Variants in DYNC2H1 observed in about 807,000 individuals in gnomAD.
DYNC2H1 encodes dynein cytoplasmic 2 heavy chain 1.
In DYNC2H1, 410 loss-of-function variants were observed where a neutral mutation model predicts 570.0. The ratio of observed to expected loss-of-function variants is 0.72; its 90% confidence interval spans 0.66 to 0.78. The LOEUF is 0.78. DYNC2H1 is among the 30% of genes least tolerant of loss of function. The pLI, the probability that DYNC2H1 is intolerant of heterozygous loss-of-function variation, is 0.00. For missense variants in DYNC2H1, 4,865 were observed against 5,046.4 expected (o/e 0.96, Z 1.09); for synonymous variants, 1,688 against 1,677.6 (o/e 1.01, Z -0.15).
intron 82 of DYNC2H1, among the ~76,000 whole-genome samples, chr11:103,355,804 T>C (rs1048844165): frequency 2.6e-5 from 4 of 152,194 alleles, no homozygotes; most frequent in Admixed American, 1.3e-4. Context: ...TTGGAATTCC[T>C]GGGCTCAAGC....
At position 103,254,628 on chromosome 11, in the gene DYNC2H1, G is replaced by C. The variant is rs1049463461; in HGVS notation, c.10207-787G>C. Among the ~76,000 whole-genome samples, 2 of 152,080 alleles carry C rather than the reference G, an allele frequency of 1.3e-5. No individual in the cohort carries two copies. Among genetic ancestry groups the C allele is most frequent in the Non-Finnish European group, 2.9e-5 (2 of 68,000 alleles). ...GGCTGCACTATTTACTTTCCCACCA[G>C]AAATATAGGAGGGTTCCGCTTTTTT... On this transcript the variant is annotated intron_variant, in intron 66 of 88. Transcript: ENST00000375735. The surrounding 1 kb of genome is among the most constrained non-coding windows in gnomAD (Gnocchi z 4.9).
chr11:103,264,427 G>A lies in DYNC2H1; in HGVS notation c.10695+4450G>A, dbSNP rs184014966. On this transcript the variant is annotated intron_variant, in intron 70 of 88. Coordinates refer to ENST00000375735, the MANE Select transcript of DYNC2H1 (RefSeq NM_001377.3). This position sits in a 1 kb window ranked among gnomAD's most constrained non-coding sequence, Gnocchi z 4.8. ...AAAAAGAAAATTTCAGGCCAATATC[G>A]CTGATGAACATTGATTAGAAAATCC... 1.3e-3 allele frequency among the ~76,000 whole-genome samples: 196 copies of A among 152,120 alleles called. 1 individual carries two copies. The highest frequency in any genetic ancestry group is 4.5e-3 in the African/African-American group (185 of 41,502).
chr11:103,348,022 C>T lies in DYNC2H1; in HGVS notation c.12040-10221C>T, dbSNP rs974595006. Reference sequence around the variant, plus strand: ...GAAAGATTAGACGGGGGAGGGATTGCGAAGTACTAAGAGGTAATTTTCGAG... The same window carrying T: ...GAAAGATTAGACGGGGGAGGGATTGTGAAGTACTAAGAGGTAATTTTCGAG... On this transcript the variant is annotated intron_variant, in intron 82 of 88. Transcript: ENST00000375735. Among the ~76,000 whole-genome samples the T allele has an allele frequency of 5.3e-5, 8 of 152,064 alleles. No individual in the cohort carries two copies. The East Asian group carries it at 5.8e-4, about 11-fold the overall frequency.
Position 103,135,437 on chromosome 11 carries a change from T to A in DYNC2H1, c.2206-58T>A, listed in dbSNP as rs576212442. 2.2e-6 allele frequency: 3 copies of A among 1,374,326 alleles called. No individual in the cohort carries two copies. The African/African-American group carries it at 4.4e-5, about 20-fold the overall frequency. 85.1% of individuals were successfully genotyped at this position (1,374,326 alleles called of 1,614,324 possible). A position where few individuals can be genotyped will look rare whatever the true frequency, so the allele number is the denominator to read the frequency against. On this transcript the variant is annotated intron_variant, in intron 15 of 88. Coordinates refer to ENST00000375735, the MANE Select transcript of DYNC2H1 (RefSeq NM_001377.3). Reference sequence around the variant, plus strand: ...CATTATGTGACATGAAAGTATTAAATGAAAAATCCATTCTACTGCCTAATT... The same window carrying A: ...CATTATGTGACATGAAAGTATTAAAAGAAAAATCCATTCTACTGCCTAATT...
rs1170677485 is a variant in DYNC2H1 at position 103,319,962 on chromosome 11, A to T, written c.11726-1067A>T. On this transcript the variant is annotated intron_variant, in intron 80 of 88. Transcript: ENST00000375735. The surrounding 1 kb of genome is among the most constrained non-coding windows in gnomAD (Gnocchi z 4.3). ...AGGTCCCCTTATCCTGCAGGAGGCAACCTAAATCCCTTATGTTCCAAGGCA... is the reference window on the plus strand; with the variant it reads ...AGGTCCCCTTATCCTGCAGGAGGCATCCTAAATCCCTTATGTTCCAAGGCA... 6.6e-6 allele frequency among the ~76,000 whole-genome samples: 1 copy of T among 152,196 alleles called. No homozygotes were observed. Among genetic ancestry groups the T allele is most frequent in the Non-Finnish European group, 1.5e-5 (1 of 68,034 alleles).
At chr11:103,253,518 T>TGA in intron 66 of DYNC2H1, 70 bp downstream of exon 66, 1 of 1,400,194 alleles carries the variant, frequency 7.1e-7, no homozygotes, top group Middle Eastern at 1.8e-4. Flanking sequence ...ACATTGTGAG[T>TGA]GAGAAGCTAT....
intron 36 of DYNC2H1, among the ~76,000 whole-genome samples, chr11:103,175,666 A>T (rs1284221481): frequency 6.6e-6 from 1 of 152,206 alleles, no homozygotes. Flanking sequence ...AAATTTGAAC[A>T]AGGCTGATCA....
intron 82 of DYNC2H1, among the ~76,000 whole-genome samples, chr11:103,328,282 C>T (rs1156679713): frequency 6.6e-6 from 1 of 151,966 alleles, no homozygotes; most frequent in Non-Finnish European, 1.5e-5. Context: ...TTTTTAATTA[C>T]CATTTTTTAC....
intron 17 of DYNC2H1, among the ~76,000 whole-genome samples, chr11:103,143,027 A>C (rs559963148): frequency 6.6e-6 from 1 of 152,334 alleles, no homozygotes; most frequent in Middle Eastern, 3.4e-3. Flanking sequence ...TGAGAAGAGA[A>C]TCTAAACAGA....
chr11:103,147,359 A>G (rs1398093778), intron 18 of DYNC2H1, among the ~76,000 whole-genome samples: 1 of 152,080 alleles, frequency 6.6e-6, no homozygotes, highest in African/African-American at 2.4e-5. Flanking sequence ...CTTTCTATCT[A>G]CATTTAATTT....
chr11:103,215,838 A>G lies in DYNC2H1; in HGVS notation c.8812A>G (p.Met2938Val), dbSNP rs1863358053. 3.7e-6 allele frequency: 6 copies of G among 1,612,774 alleles called. No individual in the cohort carries two copies. In the African/African-American group the frequency reaches 4.0e-5, roughly 11 times the overall value. The change falls in exon 55 of 89, where the codon ATG becomes GTG. Residue 2938 changes from methionine (M) to valine (V), a missense_variant. Met to Val is a conservative substitution (Grantham distance 21, BLOSUM62 1). Around this residue, in one of 5 missense-constraint regions of DYNC2H1, gnomAD observed 2,401 missense variants for 2,454.6 expected, o/e 0.98. Transcript: ENST00000375735. ...KQDEADAALQ[M>V]ITVSMQDASE... ...AGATGAAGCAGATGCTGCCCTTCAA[A>G]TGATCACAGTGTCAATGCAGGTAAT...
intron 84 of DYNC2H1, among the ~76,000 whole-genome samples, chr11:103,408,731 A>ATG (rs1942969096): frequency 6.6e-6 from 1 of 151,376 alleles, no homozygotes; most frequent in South Asian, 2.1e-4. Context: ...ATAGGATTAC[A>ATG]CTGTTATCCG....
Position 103,158,552 on chromosome 11 carries a change from T to C in DYNC2H1, c.4128-125T>C, listed in dbSNP as rs527809947. On this transcript the variant is annotated intron_variant, in intron 26 of 88. Coordinates refer to ENST00000375735, the MANE Select transcript of DYNC2H1 (RefSeq NM_001377.3). ...TATTAATATTTAACATTCCTAGAGG[T>C]GTAATACTGTTATAATAGTGTTACC... 3 of 664,860 alleles carry C rather than the reference T, an allele frequency of 4.5e-6. No individual in the cohort carries two copies. The South Asian group carries it at 6.2e-5, about 14-fold the overall frequency. 41.2% of individuals were successfully genotyped at this position (664,860 alleles called of 1,614,324 possible).
At chr11:103,321,366 A>T in intron 81 of DYNC2H1, 129 bp downstream of exon 81, 2 of 994,262 alleles carry the variant, frequency 2.0e-6, no homozygotes, top group South Asian at 2.9e-5. Context: ...ATTTGTTATG[A>T]CAATATATGG....
In DYNC2H1 at chr11:103,255,483, G is replaced by GGAA. The variant is rs756544505; in HGVS notation, c.10281_10283dup (p.Glu3427dup). The GGAA allele has an allele frequency of 6.4e-7, 1 of 1,567,000 alleles. No individual in the cohort carries two copies. Among genetic ancestry groups the GGAA allele is most frequent in the Non-Finnish European group, 8.7e-7 (1 of 1,154,876 alleles). On this transcript the variant is annotated inframe_insertion, in exon 67 of 89. Coordinates refer to ENST00000375735, the MANE Select transcript of DYNC2H1 (RefSeq NM_001377.3). ...AACAGAAAACAAAACTATTACAACAGGAAGAAGATAAGAAAATACAGCTAG... is the reference window on the plus strand; with the variant it reads ...AACAGAAAACAAAACTATTACAACAGGAAGAAGAAGATAAGAAAATACAGCTAG...
At chr11:103,422,939 C>A (rs941029742) in intron 84 of DYNC2H1, among the ~76,000 whole-genome samples, 2 of 151,900 alleles carry the variant, frequency 1.3e-5, no homozygotes, top group Non-Finnish European at 2.9e-5. Context: ...TAGAAAACTC[C>A]ATAATCTCAA....
chr11:103,371,207 C>G lies in DYNC2H1; in HGVS notation c.12156+12848C>G, dbSNP rs144024510. On this transcript the variant is annotated intron_variant, in intron 83 of 88. Transcript: ENST00000375735. ...CAAGCCTTTTGATAACAGAATTCAT[C>G]AAGCAGAAGAAAGTGAGCTTGAAGA... is the stretch of plus-strand genomic sequence containing the variant. Among the ~76,000 whole-genome samples the G allele has an allele frequency of 6.8e-3, 1,037 of 151,950 alleles. 6 individuals carry two copies. Among genetic ancestry groups the G allele is most frequent in the South Asian group, 0.027 (131 of 4,804 alleles).
Position 103,171,084 on chromosome 11 carries a change from G to T in DYNC2H1, c.5334+16G>T. 2 of 1,531,774 alleles carry T rather than the reference G, an allele frequency of 1.3e-6. No individual in the cohort carries two copies. The highest frequency in any genetic ancestry group is 1.3e-5 in the South Asian group (1 of 76,936). 94.9% of individuals were successfully genotyped at this position (1,531,774 alleles called of 1,614,324 possible). On this transcript the variant is annotated intron_variant, in intron 34 of 88. Coordinates refer to ENST00000375735, the MANE Select transcript of DYNC2H1 (RefSeq NM_001377.3). ...TGGCAAGGAGGTATAGAATATGTTG[G>T]GAATTTAAAGAATTAAAATATTTTG...
intron 1 of DYNC2H1, among the ~76,000 whole-genome samples, chr11:103,110,154 G>C (rs910276879): frequency 6.6e-6 from 1 of 151,898 alleles, no homozygotes; most frequent in Non-Finnish European, 1.5e-5. Flanking sequence ...TCAGCCTCCC[G>C]AGTAGCAGGC....
Sources: gnomAD v4.1 joint callset for allele counts (sites outside exome capture counted in the v4.1 genomes callset) on GRCh38, gnomAD v4.1.1 for gene constraint, gnomAD v4.1.1 regional missense constraint, Gnocchi (gnomAD v3.1) non-coding constraint, MANE v1.5 for transcripts, NCBI Gene and HGNC (gene_info 2026-07-23, HGNC 2026-07-21) for gene names.